The following CELA2B variants were observed in gnomAD, a reference collection of about 807,000 sequenced individuals.
The protein encoded by CELA2B is chymotrypsin like elastase 2B, also known as chymotrypsin-like elastase family member 2B.
In CELA2B, 27 loss-of-function variants were observed where a neutral mutation model predicts 36.5. That is an observed-to-expected ratio of 0.74 (90% CI 0.55 to 1.02). The LOEUF (loss-of-function observed/expected upper bound fraction) is 1.02. CELA2B is among the 50% of genes least tolerant of loss of function. The pLI is 0.00. For missense variants in CELA2B, 340 were observed against 347.8 expected, an observed-to-expected ratio of 0.98 and a Z score of 0.18; for synonymous variants, 143 against 148.5, an observed-to-expected ratio of 0.96 and a Z score of 0.27.
intron 5 of CELA2B, among the ~76,000 whole-genome samples, chr1:15,484,997 A>C (rs1708787344): frequency 6.6e-6 from 1 of 151,558 alleles, no homozygotes; most frequent in Non-Finnish European, 1.5e-5. Context: ...TCCCACATTC[A>C]ACCGATTCTC....
At chr1:15,483,907 G>T (rs1235170507) in intron 5 of CELA2B, among the ~76,000 whole-genome samples, 1 of 150,892 alleles carries the variant, frequency 6.6e-6, no homozygotes, top group Non-Finnish European at 1.5e-5. Flanking sequence ...CCAGCCAGGG[G>T]GATAGAGCGA....
At chr1:15,481,753 A>C in intron 3 of CELA2B, 1 of 469,596 alleles carries the variant, frequency 2.1e-6, no homozygotes, top group South Asian at 1.6e-5. Context: ...CTGCCGGGTC[A>C]GTGTGACTCC....
chr1:15,486,110 A>G (rs1708801626), intron 6 of CELA2B, 64 bp downstream of exon 6: 1 of 1,579,266 alleles, frequency 6.3e-7, no homozygotes, highest in Admixed American at 1.7e-5. Flanking sequence ...GGAAGAGGCT[A>G]TGGAAAACCA....
rs1277744434 is a variant in CELA2B, at chr1:15,490,219, CATAT to C, written c.793-1075_793-1072del. Among the ~76,000 whole-genome samples the C allele has an allele frequency of 2.7e-4, 32 of 117,628 alleles. No individual in the cohort carries two copies. The South Asian group carries it at 8.3e-3, about 31-fold the overall frequency. The allele number at this position is 117,628 out of a possible 152,430, so 77.2% of individuals were successfully genotyped here. On this transcript the variant is annotated intron_variant, in intron 7 of 7. Transcript: ENST00000375910. ...TGTGTGGTCTTCTCAACTTTATGTG[CATAT>C]CTATCTATCTATCTATCTATCTATC...
chr1:15,482,917 C>T (rs1708759804), intron 4 of CELA2B, among the ~76,000 whole-genome samples: 1 of 149,254 alleles, frequency 6.7e-6, no homozygotes, highest in Non-Finnish European at 1.5e-5. Flanking sequence ...TCCAGAGTAG[C>T]TGGGACTACA....
At chr1:15,481,607 T>C (rs1191084270) in intron 3 of CELA2B, 16 of 480,508 alleles carry the variant, frequency 3.3e-5, no homozygotes, top group Middle Eastern at 3.2e-4. Flanking sequence ...TGCCTGGCAC[T>C]TATTAAGTGC....
intron 4 of CELA2B, among the ~76,000 whole-genome samples, 194 bp downstream of exon 4, chr1:15,482,587 G>A (rs1570809332): frequency 6.6e-6 from 1 of 152,226 alleles, no homozygotes; most frequent in South Asian, 2.1e-4. Flanking sequence ...GGAGGGTGAA[G>A]CAAAGACTGC....
rs527788418 is a variant in CELA2B, at chr1:15,491,197, T to A, written c.793-98T>A. The A allele has an allele frequency of 3.0e-5, 44 of 1,446,954 alleles. No individual in the cohort carries two copies. In the African/African-American group the frequency reaches 3.4e-4, roughly 11 times the overall value. The allele number at this position is 1,446,954 out of a possible 1,614,324, so 89.6% of individuals were successfully genotyped here. A position where few individuals can be genotyped will look rare whatever the true frequency, so the allele number is the denominator to read the frequency against. ...GTAGTGTGGGCTGCCTGTGACTCAC[T>A]TGAGTAGCTTAGCCCAGGAGGACAG... On this transcript the variant is annotated intron_variant, in intron 7 of 7. Transcript: ENST00000375910.
chr1:15,484,528 T>C (rs1708780964), intron 5 of CELA2B, among the ~76,000 whole-genome samples: 1 of 152,232 alleles, frequency 6.6e-6, no homozygotes, highest in Non-Finnish European at 1.5e-5. Flanking sequence ...ATTGCCCTCT[T>C]GACTGGCTTA....
chr1:15,479,689 G>A (rs1187381682), intron 2 of CELA2B, among the ~76,000 whole-genome samples: 2 of 152,232 alleles, frequency 1.3e-5, no homozygotes, highest in Non-Finnish European at 2.9e-5. Context: ...ATATGTACAT[G>A]AGCGTGCACG....
chr1:15,478,545 G>A (rs1708700265), intron 2 of CELA2B, among the ~76,000 whole-genome samples: 1 of 141,128 alleles, frequency 7.1e-6, no homozygotes, highest in Admixed American at 7.3e-5. Flanking sequence ...ACCCAGCCAA[G>A]AGGAATAATA....
In CELA2B at chr1:15,485,897, T is replaced by C; in HGVS notation, c.494-4T>C. On this transcript the variant is annotated splice_region_variant and splice_polypyrimidine_tract_variant and intron_variant, in intron 5 of 7. Transcript: ENST00000375910. Reference sequence around the variant, plus strand: ...CCTAATGGCTTCTCTCTGGTCTCATTCAGCCAACGGGGCTCTCCCTGATGA... The same window carrying C: ...CCTAATGGCTTCTCTCTGGTCTCATCCAGCCAACGGGGCTCTCCCTGATGA... 6.2e-7 allele frequency: 1 copy of C among 1,614,168 alleles called. No individual in the cohort carries two copies. The highest frequency in any genetic ancestry group is 8.5e-7 in the Non-Finnish European group (1 of 1,180,024).
chr1:15,482,817 G>A (rs1190626613), intron 4 of CELA2B, among the ~76,000 whole-genome samples: 2 of 151,872 alleles, frequency 1.3e-5, no homozygotes, highest in Middle Eastern at 3.4e-3. Flanking sequence ...ATGGAGTCTC[G>A]CTCTGTCACC....
intron 6 of CELA2B, 134 bp downstream of exon 6, chr1:15,486,180 A>AT (rs772135729): frequency 1.8e-4 from 215 of 1,187,096 alleles, no homozygotes; most frequent in Non-Finnish European, 2.4e-4. Flanking sequence ...GGTACCAGAT[A>AT]TATCAGAACC....
intron 2 of CELA2B, among the ~76,000 whole-genome samples, chr1:15,478,470 C>T (rs1312264386): frequency 6.6e-6 from 1 of 151,498 alleles, no homozygotes; most frequent in African/African-American, 2.4e-5. Context: ...CTCTAACTCC[C>T]GACCTCAGGT....
At chr1:15,483,205 G>A (rs1708763206) in intron 4 of CELA2B, 59 bp from the exon 5 acceptor site, 2 of 1,607,410 alleles carry the variant, frequency 1.2e-6, no homozygotes, top group Admixed American at 1.7e-5. Flanking sequence ...GCCCTCCAAA[G>A]CCCCATAGGG....
At chr1:15,488,351 C>T (rs1297738773) in intron 7 of CELA2B, among the ~76,000 whole-genome samples, 1 of 152,142 alleles carries the variant, frequency 6.6e-6, no homozygotes, top group African/African-American at 2.4e-5. Context: ...CGCACCACTG[C>T]ACTGCAGCCT....
intron 2 of CELA2B, among the ~76,000 whole-genome samples, chr1:15,480,150 T>C (rs1443077283): frequency 6.6e-6 from 1 of 151,980 alleles, no homozygotes; most frequent in African/African-American, 2.4e-5. Flanking sequence ...AGAGGGTGAT[T>C]GCGACACACA....
chr1:15,490,220 A>ATATCTATCTATC (rs3060903), intron 7 of CELA2B, among the ~76,000 whole-genome samples: 332 of 148,624 alleles, frequency 2.2e-3, no homozygotes, highest in Admixed American at 5.4e-3. Context: ...CTTTATGTGC[A>ATATCTATCTATC]TATCTATCTA....
Sources: gnomAD v4.1 joint callset for allele counts (sites outside exome capture counted in the v4.1 genomes callset) on GRCh38, gnomAD v4.1.1 for gene constraint, MANE v1.5 for transcripts, NCBI Gene and HGNC (gene_info 2026-07-23, HGNC 2026-07-21) for gene names.